Variants in NCMAP observed in about 807,000 individuals in gnomAD.
The protein encoded by NCMAP is noncompact myelin-associated protein.
A neutral mutation model predicts 7.8 loss-of-function variants in NCMAP; 8 were observed. The ratio of observed to expected loss-of-function variants is 1.02; its 90% CI spans 0.60 to 1.84. The LOEUF (loss-of-function observed/expected upper bound fraction) is 1.84. Ranked by LOEUF, NCMAP falls within the 40% of genes most tolerant of loss-of-function variation. The probability of loss-of-function intolerance (pLI) is 0.00; values close to 1 mark genes in which losing one functional copy is unlikely to be tolerated. For missense variants in NCMAP, 112 were observed against 131.4 expected (o/e 0.85, Z 0.72); for synonymous variants, 41 against 52.9 (o/e 0.78, Z 0.98).
chr1:24,572,384 C>T (rs1557594725), intron 1 of NCMAP, among the ~76,000 whole-genome samples: 1 of 150,778 alleles, frequency 6.6e-6, no homozygotes, highest in Non-Finnish European at 1.5e-5. Context: ...CTTCCTGTGC[C>T]TCTGACCTGC....
At chr1:24,583,334 G>A (rs1557598377) in intron 1 of NCMAP, among the ~76,000 whole-genome samples, 1 of 152,184 alleles carries the variant, frequency 6.6e-6, no homozygotes, top group Non-Finnish European at 1.5e-5. Context: ...CTGAATGTCA[G>A]TAGTACCAAG....
At position 24,571,251 on chromosome 1, in the gene NCMAP, C is replaced by T. The variant is rs562132146; in HGVS notation, c.-8+15082C>T. On this transcript the variant is annotated intron_variant, in intron 1 of 3. Transcript: ENST00000374392. ...TAGCACTTTGGGAGGCCGAGGCAGG[C>T]GGATCACGGGGTCAGGAGTTCAAGA... Among the ~76,000 whole-genome samples, 18 of 150,616 alleles carry T rather than the reference C, an allele frequency of 1.2e-4. 3 individuals are homozygous for T. Among genetic ancestry groups the T allele is most frequent in the African/African-American group, 4.0e-4 (16 of 40,064 alleles).
At chr1:24,597,621 A>AGAG (rs1652287555) in intron 2 of NCMAP, among the ~76,000 whole-genome samples, 5 of 58,584 alleles carry the variant, frequency 8.5e-5, no homozygotes, top group South Asian at 7.2e-4. Flanking sequence ...AAGAAAGAGA[A>AGAG]AGAAAGAAAG....
At position 24,608,015 on chromosome 1, in the gene NCMAP, A is replaced by AT. The variant is rs1652820291; in HGVS notation, c.*2271dup. The AT allele has an allele frequency of 6.6e-6, 1 of 152,158 alleles. No individual in the cohort carries two copies. The highest frequency in any genetic ancestry group is 1.5e-5 in the Non-Finnish European group (1 of 68,030). 9.4% of individuals were successfully genotyped at this position (152,158 alleles called of 1,614,324 possible). Reference sequence around the variant, plus strand: ...GGCACATTCTTCCTCTCTGGTCATTATTTCTTCCTACTGTGTTTAAATATC... The same window carrying AT: ...GGCACATTCTTCCTCTCTGGTCATTATTTTCTTCCTACTGTGTTTAAATATC... On this transcript the variant is annotated 3_prime_UTR_variant, in exon 4 of 4. Coordinates refer to ENST00000374392, the MANE Select transcript of NCMAP (RefSeq NM_001010980.5).
Position 24,607,189 on chromosome 1 carries a change from T to TG in NCMAP, c.*1446dup, listed in dbSNP as rs1406230849. 2.0e-5 allele frequency: 3 copies of TG among 151,980 alleles called. No individual in the cohort carries two copies. The highest frequency in any genetic ancestry group is 7.3e-5 in the African/African-American group (3 of 41,362). The allele number at this position is 151,980 out of a possible 1,614,324, so 9.4% of individuals were successfully genotyped here. A position where few individuals can be genotyped will look rare whatever the true frequency, so the allele number is the denominator to read the frequency against. Reference sequence around the variant, plus strand: ...TTTTTATTTTTTATTTTTGTAGAGATGGGGTCTCGCTGTGTTGCCCAGGCT... The same window carrying TG: ...TTTTTATTTTTTATTTTTGTAGAGATGGGGGTCTCGCTGTGTTGCCCAGGCT... On this transcript the variant is annotated 3_prime_UTR_variant, in exon 4 of 4. Coordinates refer to ENST00000374392, the MANE Select transcript of NCMAP (RefSeq NM_001010980.5).
chr1:24,558,068 T>A (rs984587529), intron 1 of NCMAP, among the ~76,000 whole-genome samples: 1 of 152,192 alleles, frequency 6.6e-6, no homozygotes, highest in African/African-American at 2.4e-5. Flanking sequence ...GGCAGGCAGC[T>A]GCAGTGGGTT....
intron 1 of NCMAP, among the ~76,000 whole-genome samples, chr1:24,565,051 C>T (rs1651183043): frequency 6.6e-6 from 1 of 151,764 alleles, no homozygotes; most frequent in Admixed American, 6.6e-5. Flanking sequence ...AAGAAATGTT[C>T]AGGAGATCCT....
Position 24,605,915 on chromosome 1 carries a change from T to A in NCMAP, c.*168T>A. On this transcript the variant is annotated 3_prime_UTR_variant, in exon 4 of 4. Transcript: ENST00000374392. ...CAGCAATCCTCAACCTTGTCTGCCC[T>A]GCCCTACCCCAACTGTGTCCACATC... The A allele has an allele frequency of 1.3e-6, 1 of 762,002 alleles. No individual in the cohort carries two copies. Among genetic ancestry groups the A allele is most frequent in the South Asian group, 2.0e-5 (1 of 50,678 alleles). The allele number at this position is 762,002 out of a possible 1,614,324, so 47.2% of individuals were successfully genotyped here. A position where few individuals can be genotyped will look rare whatever the true frequency, so the allele number is the denominator to read the frequency against.
intron 1 of NCMAP, among the ~76,000 whole-genome samples, chr1:24,582,118 G>A (rs1224140553): frequency 6.6e-6 from 1 of 152,118 alleles, no homozygotes; most frequent in Non-Finnish European, 1.5e-5. Context: ...GTCTCTCACA[G>A]CCCTTCTCAT....
chr1:24,605,557 C>T lies in NCMAP; in HGVS notation c.168-49C>T, dbSNP rs72886153. The T allele has an allele frequency of 0.01, 16,386 of 1,594,754 alleles. 1,433 individuals are homozygous for T. In the African/African-American group the frequency reaches 0.19, roughly 19 times the overall value. ...CTGTAGTCGCAGAGCCCATTCCCCG[C>T]GGCATACCAGGGGAAAGACTCAACC... is the stretch of plus-strand genomic sequence containing the variant. On this transcript the variant is annotated intron_variant, in intron 3 of 3. Coordinates refer to ENST00000374392, the MANE Select transcript of NCMAP (RefSeq NM_001010980.5).
chr1:24,574,492 A>G (rs1651488348), intron 1 of NCMAP, among the ~76,000 whole-genome samples: 2 of 152,206 alleles, frequency 1.3e-5, no homozygotes, highest in South Asian at 4.2e-4. Context: ...CACGCTCCTG[A>G]TGTCCCAAGG....
intron 3 of NCMAP, among the ~76,000 whole-genome samples, chr1:24,605,123 GAA>G (rs750627166): frequency 0.061 from 8,126 of 134,106 alleles, 751 homozygotes; most frequent in African/African-American, 0.2. Context: ...CTCAAAAAAA[GAA>G]AAAAAAAAAG....
intron 1 of NCMAP, among the ~76,000 whole-genome samples, chr1:24,592,917 C>T (rs1011861760): frequency 2.1e-4 from 31 of 150,752 alleles, no homozygotes; most frequent in East Asian, 2.0e-4. Context: ...AGGTGGCTCA[C>T]GCCTGTAATC....
rs181767291 is a variant in NCMAP, at chr1:24,588,584, G to A, written c.-7-6840G>A. ...TTTGGACAGGTGGGAGTCTGACAGC[G>A]TTTATCTTCCACATTCAGCTCTTAG... On this transcript the variant is annotated intron_variant, in intron 1 of 3. Transcript: ENST00000374392. 3.2e-4 allele frequency among the ~76,000 whole-genome samples: 48 copies of A among 152,282 alleles called. No homozygotes were observed. The East Asian group carries it at 7.1e-3, about 23-fold the overall frequency.
rs1652713381 is a variant in NCMAP at position 24,605,974 on chromosome 1, T to C, written c.*227T>C. 1 of 537,404 alleles carries C rather than the reference T, an allele frequency of 1.9e-6. No individual in the cohort carries two copies. 33.3% of individuals were successfully genotyped at this position (537,404 alleles called of 1,614,324 possible). A position where few individuals can be genotyped will look rare whatever the true frequency, so the allele number is the denominator to read the frequency against. ...CACCCCACCAAAAAGCTGCAGAACA[T>C]TCTTTTGTCATCTGATGAGGTAGAG... On this transcript the variant is annotated 3_prime_UTR_variant, in exon 4 of 4. Coordinates refer to ENST00000374392, the MANE Select transcript of NCMAP (RefSeq NM_001010980.5).
rs1652852473 is a variant in NCMAP at position 24,609,234 on chromosome 1, T to C, written c.*3487T>C. On this transcript the variant is annotated 3_prime_UTR_variant, in exon 4 of 4. Coordinates refer to ENST00000374392, the MANE Select transcript of NCMAP (RefSeq NM_001010980.5). Reference sequence around the variant, plus strand: ...GTATTTTGTTTCTGATGAGGTGCCTTTCTTAGCAGATGCTGCCTTATTTGG... The same window carrying C: ...GTATTTTGTTTCTGATGAGGTGCCTCTCTTAGCAGATGCTGCCTTATTTGG... 6.6e-6 allele frequency: 1 copy of C among 152,210 alleles called. No homozygotes were observed. The highest frequency in any genetic ancestry group is 1.5e-5 in the Non-Finnish European group (1 of 68,030). 9.4% of individuals were successfully genotyped at this position (152,210 alleles called of 1,614,324 possible).
At chr1:24,575,962 G>A (rs1181315093) in intron 1 of NCMAP, among the ~76,000 whole-genome samples, 1 of 149,218 alleles carries the variant, frequency 6.7e-6, no homozygotes, top group Non-Finnish European at 1.5e-5. Flanking sequence ...AAGTCCTGGA[G>A]AGGAGAAGAA....
chr1:24,599,049 G>A (rs1448680010), intron 2 of NCMAP, among the ~76,000 whole-genome samples: 2 of 151,374 alleles, frequency 1.3e-5, no homozygotes, highest in Non-Finnish European at 2.9e-5. Context: ...GGAGGCTGAG[G>A]GGGGCAGATC....
At chr1:24,569,138 C>T (rs1333469521) in intron 1 of NCMAP, among the ~76,000 whole-genome samples, 5 of 151,982 alleles carry the variant, frequency 3.3e-5, no homozygotes, top group East Asian at 1.9e-4. Context: ...AGATTACAGG[C>T]GCCTGCCACC....
Sources: gnomAD v4.1 joint callset for allele counts (sites outside exome capture counted in the v4.1 genomes callset) on GRCh38, gnomAD v4.1.1 for gene constraint, MANE v1.5 for transcripts, NCBI Gene and HGNC (gene_info 2026-07-23, HGNC 2026-07-21) for gene names.